EPB41L3: variants seen among roughly 807,000 people sequenced by gnomAD.
The protein encoded by EPB41L3 is band 4.1-like protein 3.
In EPB41L3, 57 loss-of-function variants were observed where a neutral mutation model predicts 127.1. That is an observed-to-expected ratio of 0.45 (90% CI 0.36 to 0.56). The LOEUF is 0.56. EPB41L3 is among the 20% of genes least tolerant of loss of function. The probability of loss-of-function intolerance (pLI) is 0.00; values close to 1 mark genes in which losing one functional copy is unlikely to be tolerated. For missense variants in EPB41L3, 1,273 were observed against 1,372.2 expected (o/e 0.93, Z 1.14); for synonymous variants, 572 against 549.5 (o/e 1.04, Z -0.57).
rs925533856 is a variant in EPB41L3 at position 5,534,634 on chromosome 18, A to G, written c.-12+9279T>C. Among the ~76,000 whole-genome samples the G allele has an allele frequency of 9.2e-5, 14 of 152,286 alleles. No individual in the cohort carries two copies. The South Asian group carries it at 1.0e-3, about 11-fold the overall frequency. On this transcript the variant is annotated intron_variant, in intron 1 of 22. Coordinates refer to ENST00000341928, the MANE Select transcript of EPB41L3 (RefSeq NM_012307.5). The stretch of plus-strand genomic sequence containing the variant: ...TTTGGATTACGGGTTTTGTGGTGGA[A>G]TGTCACAAAATTCTACACTCATCCT...
At chr18:5,482,784 A>AT (rs956321283) in intron 2 of EPB41L3, among the ~76,000 whole-genome samples, 126 of 152,302 alleles carry the variant, frequency 8.3e-4, no homozygotes, top group African/African-American at 2.9e-3. Flanking sequence ...TAAAGGAGAG[A>AT]TCAAATCTTT....
At chr18:5,438,901 T>G (rs1160981417) in intron 5 of EPB41L3, among the ~76,000 whole-genome samples, 1 of 152,226 alleles carries the variant, frequency 6.6e-6, no homozygotes, top group Non-Finnish European at 1.5e-5. Flanking sequence ...TGAAACATTA[T>G]GAAGCCTTAA....
At chr18:5,534,007 CA>C (rs1470292061) in intron 1 of EPB41L3, among the ~76,000 whole-genome samples, 1 of 151,948 alleles carries the variant, frequency 6.6e-6, no homozygotes, top group Non-Finnish European at 1.5e-5. Flanking sequence ...CACTAAAATA[CA>C]AAAAATTAGC....
At chr18:5,535,282 C>A (rs546886422) in intron 1 of EPB41L3, among the ~76,000 whole-genome samples, 5 of 152,160 alleles carry the variant, frequency 3.3e-5, no homozygotes, top group African/African-American at 1.2e-4. Context: ...AAATGGAGGT[C>A]CTTGGTGCTA....
At chr18:5,539,662 G>A (rs1423358063) in intron 1 of EPB41L3, 2 of 152,196 alleles carry the variant, frequency 1.3e-5, no homozygotes, top group South Asian at 4.1e-4. Flanking sequence ...AACATCTGCA[G>A]CCATTCTGTG....
At chr18:5,590,751 A>G (rs1273471969) in intron 3 of EPB41L3, among the ~76,000 whole-genome samples, 1 of 152,240 alleles carries the variant, frequency 6.6e-6, no homozygotes, top group Non-Finnish European at 1.5e-5. Flanking sequence ...GATACATGCA[A>G]CAACTTGCAT....
At position 5,444,989 on chromosome 18, in the gene EPB41L3, G is replaced by A. The variant is rs993511848; in HGVS notation, c.486+151C>T. The A allele has an allele frequency of 8.7e-6, 5 of 573,800 alleles. No homozygotes were observed. The Admixed American group carries it at 9.4e-5, about 11-fold the overall frequency. 35.5% of individuals were successfully genotyped at this position (573,800 alleles called of 1,614,324 possible). ...CAGTGATTTCCTTCATCAAGGAATA[G>A]ATGATTAACAGCATTTACAGACTCA... On this transcript the variant is annotated intron_variant, in intron 4 of 22. Transcript: ENST00000341928.
At chr18:5,394,198 T>G (rs1241335853) in intron 22 of EPB41L3, 2 of 153,594 alleles carry the variant, frequency 1.3e-5, no homozygotes, top group African/African-American at 4.8e-5. Context: ...CAGGTTACAA[T>G]CAAACACAGT....
chr18:5,454,948 A>G (rs1354078677), intron 3 of EPB41L3, among the ~76,000 whole-genome samples: 2 of 152,226 alleles, frequency 1.3e-5, no homozygotes, highest in Non-Finnish European at 2.9e-5. Context: ...GCAGTATATT[A>G]GACAGTCCCA....
chr18:5,572,880 C>A (rs1400235516), intron 3 of EPB41L3, among the ~76,000 whole-genome samples: 2 of 152,188 alleles, frequency 1.3e-5, no homozygotes, highest in Non-Finnish European at 2.9e-5. Flanking sequence ...GTCAGCTCTT[C>A]TGCTTTGTGA....
rs568581179 is a variant in EPB41L3, at chr18:5,564,938, A to G, written c.-306+47402T>C. ...TTTTAAATATAATGGTAGCATCTGT[A>G]GGGCAACTAAATTCATAATGAGAAC... On this transcript the variant is annotated intron_variant, in intron 3 of 21. Coordinates refer to the EPB41L3 transcript ENST00000545076. Among the ~76,000 whole-genome samples, 3 of 152,286 alleles carry G rather than the reference A, an allele frequency of 2.0e-5. No homozygotes were observed. In the East Asian group the frequency reaches 5.8e-4, roughly 29 times the overall value.
intron 3 of EPB41L3, among the ~76,000 whole-genome samples, chr18:5,554,792 T>C (rs2094011073): frequency 9.8e-6 from 1 of 102,162 alleles, no homozygotes; most frequent in Non-Finnish European, 2.6e-5. Flanking sequence ...AGGGCCCTCT[T>C]TGCTCATGTG....
chr18:5,506,420 T>C (rs2092207222), intron 1 of EPB41L3, among the ~76,000 whole-genome samples: 1 of 152,142 alleles, frequency 6.6e-6, no homozygotes, highest in Non-Finnish European at 1.5e-5. Flanking sequence ...TTTGCTATTC[T>C]TGCCTGGAAC....
At chr18:5,431,153 A>T (rs575501014) in intron 8 of EPB41L3, 1 of 152,218 alleles carries the variant, frequency 6.6e-6, no homozygotes, top group Non-Finnish European at 1.5e-5. Context: ...GTGACAAACA[A>T]GCAGAGACAG....
chr18:5,482,960 C>T (rs1361788434), intron 2 of EPB41L3, among the ~76,000 whole-genome samples: 1 of 152,098 alleles, frequency 6.6e-6, no homozygotes, highest in African/African-American at 2.4e-5. Context: ...CATGGATAAA[C>T]CCAGAATACT....
At chr18:5,568,513 A>G (rs149308762) in intron 3 of EPB41L3, among the ~76,000 whole-genome samples, 1 of 152,266 alleles carries the variant, frequency 6.6e-6, no homozygotes, top group African/African-American at 2.4e-5. Flanking sequence ...TAAATGTGAA[A>G]TAAGGATCTC....
intron 3 of EPB41L3, among the ~76,000 whole-genome samples, chr18:5,553,034 CA>C (rs1384204932): frequency 2.0e-5 from 3 of 152,308 alleles, no homozygotes; most frequent in Non-Finnish European, 4.4e-5. Flanking sequence ...GAACACATTG[CA>C]TTGGCTACAA....
chr18:5,603,727 A>T lies in EPB41L3; in HGVS notation c.-306+8613T>A, dbSNP rs115200595. 4.5e-3 allele frequency among the ~76,000 whole-genome samples: 688 copies of T among 152,204 alleles called. 3 individuals carry two copies. Among genetic ancestry groups the T allele is most frequent in the African/African-American group, 0.016 (654 of 41,556 alleles). On this transcript the variant is annotated intron_variant, in intron 3 of 21. Coordinates refer to the EPB41L3 transcript ENST00000545076. ...GTAAGACCCTATATCTATAAAAAGG[A>T]AAAAATAGCCTGGCATGGTGGTACG...
At chr18:5,534,012 A>T (rs1234304512) in intron 1 of EPB41L3, among the ~76,000 whole-genome samples, 1 of 152,088 alleles carries the variant, frequency 6.6e-6, no homozygotes, top group Non-Finnish European at 1.5e-5. Flanking sequence ...AAATACAAAA[A>T]ATTAGCAAGG....
Sources: allele counts gnomAD v4.1 joint callset (sites outside exome capture counted in the v4.1 genomes callset), GRCh38; gene constraint gnomAD v4.1.1; transcripts MANE v1.5; gene names NCBI Gene and HGNC (gene_info 2026-07-23, HGNC 2026-07-21).